Variants in FSTL4 observed in about 807,000 individuals in gnomAD.
FSTL4 encodes the protein follistatin-related protein 4.
FSTL4 carries 28 observed loss-of-function variants against 78.2 expected under a neutral mutation model. The observed-to-expected ratio is 0.36, with a 90% CI of 0.27 to 0.49. The LOEUF is 0.49. Among genes scored for constraint, FSTL4 ranks in the 20% least tolerant of loss-of-function variants. The probability of loss-of-function intolerance (pLI) is 0.98; values close to 1 mark genes in which losing one functional copy is unlikely to be tolerated. For synonymous variants in FSTL4, 422 were observed against 440.5 expected (o/e 0.96, Z 0.53); for missense variants, 922 against 1,084.9 (o/e 0.85, Z 2.11).
intron 4 of FSTL4, among the ~76,000 whole-genome samples, chr5:133,368,236 G>T (rs1432652362): frequency 6.6e-6 from 1 of 152,236 alleles, no homozygotes; most frequent in Non-Finnish European, 1.5e-5. Flanking sequence ...CAGACACTAC[G>T]GTCAGCCATG....
chr5:133,781,128 A>T, the FSTL4 span, among the ~76,000 whole-genome samples: 1 of 151,884 alleles, frequency 6.6e-6, no homozygotes, highest in East Asian at 1.9e-4. Context: ...CCTGGTGATC[A>T]CCTCCAGCCC....
At chr5:133,581,657 C>A (rs1337432952) in intron 2 of FSTL4, among the ~76,000 whole-genome samples, 1 of 152,234 alleles carries the variant, frequency 6.6e-6, no homozygotes, top group African/African-American at 2.4e-5. Flanking sequence ...GGCATTTTGC[C>A]CACACTTCTC....
intron 6 of FSTL4, among the ~76,000 whole-genome samples, chr5:133,296,784 T>C (rs11242148): frequency 0.78 from 118,432 of 152,260 alleles, 46,459 homozygotes; most frequent in African/African-American, 0.87. Flanking sequence ...CTCCTCCCTG[T>C]AATACAAGTT....
intron 3 of FSTL4, among the ~76,000 whole-genome samples, chr5:133,425,845 G>A (rs1756801842): frequency 6.6e-6 from 1 of 152,242 alleles, no homozygotes; most frequent in Non-Finnish European, 1.5e-5. Context: ...TTTGTCCACT[G>A]CACGATAAGC....
the FSTL4 span, among the ~76,000 whole-genome samples, chr5:133,792,826 A>G: frequency 1.3e-5 from 2 of 152,342 alleles, no homozygotes; most frequent in East Asian, 3.9e-4. Flanking sequence ...ATTTGCTCAT[A>G]AACATTAATG....
chr5:133,517,464 G>GCA (rs371199149), intron 3 of FSTL4, among the ~76,000 whole-genome samples: 29 of 9,714 alleles, frequency 3.0e-3, no homozygotes, highest in African/African-American at 9.0e-3. Context: ...ATATATATAT[G>GCA]CACACACACA....
intron 6 of FSTL4, among the ~76,000 whole-genome samples, chr5:133,254,531 G>A (rs1752336428): frequency 6.6e-6 from 1 of 152,196 alleles, no homozygotes; most frequent in African/African-American, 2.4e-5. Context: ...GGTATATTGG[G>A]CAGATTGACA....
At chr5:133,621,914 T>A in the FSTL4 span, among the ~76,000 whole-genome samples, 1 of 152,168 alleles carries the variant, frequency 6.6e-6, no homozygotes, top group African/African-American at 2.4e-5. Context: ...TTTCCTCCAA[T>A]GGTAACAACT....
the FSTL4 span, among the ~76,000 whole-genome samples, chr5:133,626,175 CAT>C: frequency 1.6e-3 from 4 of 2,466 alleles, no homozygotes; most frequent in Admixed American, 5.5e-3. Context: ...ATATATATTC[CAT>C]ATATATATAT....
In FSTL4 at chr5:133,326,196, C is replaced by A. The variant is rs528377417; in HGVS notation, c.410-9544G>T. On this transcript the variant is annotated intron_variant, in intron 4 of 15. Coordinates refer to ENST00000265342, the MANE Select transcript of FSTL4 (RefSeq NM_015082.2). The stretch of plus-strand genomic sequence containing the variant: ...ATGAACATTAACAATCTTTCTGCTG[C>A]CATTTCTGGGAAAATTCAATTAACA... 2.0e-4 allele frequency among the ~76,000 whole-genome samples: 30 copies of A among 152,334 alleles called. No homozygotes were observed. In the South Asian group the frequency reaches 6.0e-3, roughly 31 times the overall value.
chr5:133,286,415 T>C (rs777415010), intron 6 of FSTL4, among the ~76,000 whole-genome samples: 5 of 152,200 alleles, frequency 3.3e-5, no homozygotes, highest in African/African-American at 4.8e-5. Flanking sequence ...ACACTTGCAA[T>C]GAGACCTAAC....
intron 3 of FSTL4, among the ~76,000 whole-genome samples, chr5:133,522,553 T>C (rs989737324): frequency 1.3e-5 from 2 of 152,246 alleles, no homozygotes; most frequent in African/African-American, 2.4e-5. Context: ...GGCCAAATCA[T>C]GATATAATGC....
intron 3 of FSTL4, among the ~76,000 whole-genome samples, chr5:133,489,800 G>A (rs1758220458): frequency 6.6e-6 from 1 of 152,130 alleles, no homozygotes; most frequent in African/African-American, 2.4e-5. Context: ...CAAAAGACAA[G>A]GAGACACTTA....
the FSTL4 span, among the ~76,000 whole-genome samples, chr5:133,771,561 G>T: frequency 2.0e-5 from 3 of 152,042 alleles, no homozygotes; most frequent in Non-Finnish European, 4.4e-5. Flanking sequence ...AAACACTACT[G>T]ATTTCTGTAC....
intron 6 of FSTL4, among the ~76,000 whole-genome samples, chr5:133,257,572 A>G (rs1354474107): frequency 6.6e-6 from 1 of 152,194 alleles, no homozygotes; most frequent in East Asian, 1.9e-4. Context: ...ACAGGAAGTT[A>G]GAGCAGAACT....
chr5:133,305,916 C>T lies in FSTL4; in HGVS notation c.727+6738G>A, dbSNP rs1021669710. Reference sequence around the variant, plus strand: ...GGAGATGAGACCGGGCCTGTCCCTCCCTGCCCAGGAGCTCACCCTGCTTTC... The same window carrying T: ...GGAGATGAGACCGGGCCTGTCCCTCTCTGCCCAGGAGCTCACCCTGCTTTC... On this transcript the variant is annotated intron_variant, in intron 6 of 15. Transcript: ENST00000265342. Among the ~76,000 whole-genome samples, 3 of 152,340 alleles carry T rather than the reference C, an allele frequency of 2.0e-5. No homozygotes were observed. In the South Asian group the frequency reaches 6.2e-4, roughly 32 times the overall value.
chr5:133,793,312 C>G, the FSTL4 span, among the ~76,000 whole-genome samples: 3 of 152,210 alleles, frequency 2.0e-5, no homozygotes, highest in Non-Finnish European at 4.4e-5. Flanking sequence ...CTTTGTTATC[C>G]CCGCCATGGG....
At chr5:133,764,081 GA>G in the FSTL4 span, among the ~76,000 whole-genome samples, 1 of 152,238 alleles carries the variant, frequency 6.6e-6, no homozygotes, top group Non-Finnish European at 1.5e-5. Context: ...GTGAGCTTCA[GA>G]AAAGCCAATT....
At chr5:133,231,440 C>T (rs994191586) in intron 8 of FSTL4, among the ~76,000 whole-genome samples, 1 of 152,140 alleles carries the variant, frequency 6.6e-6, no homozygotes, top group Non-Finnish European at 1.5e-5. Context: ...AGCAATGTGG[C>T]AGAGACCCAA....
Sources: gnomAD v4.1 joint callset for allele counts (sites outside exome capture counted in the v4.1 genomes callset) on GRCh38, gnomAD v4.1.1 for gene constraint, MANE v1.5 for transcripts, NCBI Gene and HGNC (gene_info 2026-07-23, HGNC 2026-07-21) for gene names.